Variants in CEP135 observed in about 807,000 individuals in gnomAD.
CEP135 encodes centrosomal protein 135.
In CEP135, 142 loss-of-function variants were observed where a neutral mutation model predicts 157.3. The ratio of observed to expected loss-of-function variants is 0.90; its 90% CI spans 0.79 to 1.04. The LOEUF is 1.04. Among genes scored for constraint, CEP135 ranks in the 50% least tolerant of loss-of-function variants. The probability of loss-of-function intolerance (pLI) is 0.00; values close to 1 mark genes in which losing one functional copy is unlikely to be tolerated. For missense variants in CEP135, 1,317 were observed against 1,309.2 expected (o/e 1.01, Z -0.09); for synonymous variants, 396 against 439.8 (o/e 0.90, Z 1.25).
intron 17 of CEP135, among the ~76,000 whole-genome samples, chr4:56,004,930 T>A (rs1730301280): frequency 1.0e-5 from 1 of 96,330 alleles, no homozygotes; most frequent in Non-Finnish European, 2.6e-5. Context: ...GCTGCCATTT[T>A]TTTTTTTTTT....
Position 55,991,869 on chromosome 4 carries a change from T to G in CEP135, c.1858-65T>G, listed in dbSNP as rs955022429. Reference sequence around the variant, plus strand: ...TTCTTCCGGAAATATTATTAAAGAGTGCCTAAGAAAAATATCATTAACGTA... The same window carrying G: ...TTCTTCCGGAAATATTATTAAAGAGGGCCTAAGAAAAATATCATTAACGTA... On this transcript the variant is annotated intron_variant, in intron 14 of 25. Transcript: ENST00000257287. The G allele has an allele frequency of 6.3e-6, 5 of 790,698 alleles. 1 individual carries two copies. The Admixed American group carries it at 1.9e-4, about 31-fold the overall frequency. The allele number at this position is 790,698 out of a possible 1,614,324, so 49.0% of individuals were successfully genotyped here.
chr4:55,971,321 G>A lies in CEP135; in HGVS notation c.1162G>A (p.Val388Ile), dbSNP rs371016705. ...EKERLSDELLVKSDLETVVHQ... is the reference protein window; with the variant it reads ...EKERLSDELLIKSDLETVVHQ... ...GGAGAGACTGAGTGATGAACTCCTT[G>A]TAAAATCAGACCTAGAAACTGTTGT... The change falls in exon 10 of 26, where the codon GTA becomes ATA. Residue 388 changes from valine to isoleucine, a missense_variant. Val to Ile is a conservative substitution (Grantham distance 29). Transcript: ENST00000257287. 4 of 1,606,392 alleles carry A rather than the reference G, an allele frequency of 2.5e-6. No individual in the cohort carries two copies. Among genetic ancestry groups the A allele is most frequent in the Non-Finnish European group, 3.4e-6 (4 of 1,176,830 alleles).
At position 55,968,027 on chromosome 4, in the gene CEP135, C is replaced by T. The variant is rs949742368; in HGVS notation, c.1045-1036C>T. On this transcript the variant is annotated intron_variant, in intron 8 of 25. Coordinates refer to ENST00000257287, the MANE Select transcript of CEP135 (RefSeq NM_025009.5). ...TATATGTAGAAAGCCTTCAACATTC[C>T]GCAGAAACCAGAACTAATAAACTAA... Among the ~76,000 whole-genome samples, 12 of 152,088 alleles carry T rather than the reference C, an allele frequency of 7.9e-5. No homozygotes were observed. In the South Asian group the frequency reaches 1.0e-3, roughly 13 times the overall value.
chr4:56,010,031 C>CA lies in CEP135; in HGVS notation c.2505+130dup, dbSNP rs1730516316. On this transcript the variant is annotated intron_variant, in intron 19 of 25. Coordinates refer to ENST00000257287, the MANE Select transcript of CEP135 (RefSeq NM_025009.5). ...AGTGACATAAATAATTCATTAAGGA[C>CA]AATGGTGTTTATCAGGGTATTAAAA... The CA allele has an allele frequency of 3.0e-6, 3 of 1,010,714 alleles. No individual in the cohort carries two copies. The Admixed American group carries it at 8.2e-5, about 28-fold the overall frequency. The allele number at this position is 1,010,714 out of a possible 1,614,324, so 62.6% of individuals were successfully genotyped here.
rs113954841 is a variant in CEP135 at position 55,964,115 on chromosome 4, T to C, written c.700-159T>C. ...ACATTTTCTATGTAATTTATTTTTG[T>C]TCTGCATTTATGCATATAATATATG... On this transcript the variant is annotated intron_variant, in intron 6 of 25. Coordinates refer to ENST00000257287, the MANE Select transcript of CEP135 (RefSeq NM_025009.5). 7.3e-4 allele frequency among the ~76,000 whole-genome samples: 111 copies of C among 152,388 alleles called. 2 individuals carry two copies. Among genetic ancestry groups the C allele is most frequent in the African/African-American group, 2.6e-3 (108 of 41,598 alleles).
chr4:56,017,819 A>G lies in CEP135; in HGVS notation c.2974A>G (p.Thr992Ala). Reference protein sequence around the residue: ...IKLDSGKDIMTQQLNSKNLEF... With the variant: ...IKLDSGKDIMAQQLNSKNLEF... ...ACTTGATTCAGGCAAAGATATTATG[A>G]CCCAGCAATTGAATTCGAAAAACCT... Residue 992 changes from threonine (T) to alanine (A), a missense_variant, in exon 22 of 26, where the codon ACC (threonine) becomes GCC (alanine). By Grantham distance (58) the Thr-to-Ala change is moderately conservative. Coordinates refer to ENST00000257287, the MANE Select transcript of CEP135 (RefSeq NM_025009.5). The G allele has an allele frequency of 6.2e-7, 1 of 1,613,314 alleles. No homozygotes were observed. Among genetic ancestry groups the G allele is most frequent in the South Asian group, 1.1e-5 (1 of 90,986 alleles).
rs763979337 is a variant in CEP135, at chr4:55,985,264, T to G, written c.1780-17T>G. 4.5e-5 allele frequency: 65 copies of G among 1,429,750 alleles called. No homozygotes were observed. Among genetic ancestry groups the G allele is most frequent in the Non-Finnish European group, 6.3e-5 (64 of 1,018,580 alleles). 88.6% of individuals were successfully genotyped at this position (1,429,750 alleles called of 1,614,324 possible). A position where few individuals can be genotyped will look rare whatever the true frequency, so the allele number is the denominator to read the frequency against. ...TATCTGATACAAATGAACATTTTCT[T>G]TAACATTCTTTTTCAGCATATTGAA... On this transcript the variant is annotated splice_polypyrimidine_tract_variant and intron_variant, in intron 13 of 25. Coordinates refer to ENST00000257287, the MANE Select transcript of CEP135 (RefSeq NM_025009.5).
At chr4:55,996,950 A>T (rs1729989711) in intron 15 of CEP135, among the ~76,000 whole-genome samples, 1 of 152,226 alleles carries the variant, frequency 6.6e-6, no homozygotes. Flanking sequence ...AATCTCAAAG[A>T]GATGGACCTC....
intron 3 of CEP135, 37 bp downstream of exon 3, chr4:55,953,312 C>G: frequency 1.5e-6 from 2 of 1,362,844 alleles, no homozygotes; most frequent in Non-Finnish European, 2.0e-6. Flanking sequence ...AATGCAATGT[C>G]TTTGTCCTTT....
intron 25 of CEP135, among the ~76,000 whole-genome samples, chr4:56,031,103 G>A (rs1731330233): frequency 6.6e-6 from 1 of 152,102 alleles, no homozygotes; most frequent in African/African-American, 2.4e-5. Context: ...CTGCACTCCA[G>A]CCTGGGCAAC....
In CEP135 at chr4:56,013,708, T is replaced by C. The variant is rs148742324; in HGVS notation, c.2802+1723T>C. Reference sequence around the variant, plus strand: ...ATACAATAGTTGGCCATTATTGTCATTTTTGTTTTGTTTTGTTTGTATAGT... The same window carrying C: ...ATACAATAGTTGGCCATTATTGTCACTTTTGTTTTGTTTTGTTTGTATAGT... On this transcript the variant is annotated intron_variant, in intron 21 of 25. Coordinates refer to ENST00000257287, the MANE Select transcript of CEP135 (RefSeq NM_025009.5). Among the ~76,000 whole-genome samples, 3 of 152,270 alleles carry C rather than the reference T, an allele frequency of 2.0e-5. No homozygotes were observed. In the East Asian group the frequency reaches 5.8e-4, roughly 29 times the overall value.
chr4:55,995,052 T>C lies in CEP135; in HGVS notation c.2009+2967T>C, dbSNP rs768176172. Among the ~76,000 whole-genome samples, 5 of 152,174 alleles carry C rather than the reference T, an allele frequency of 3.3e-5. No individual in the cohort carries two copies. In the East Asian group the frequency reaches 7.7e-4, roughly 23 times the overall value. ...TTTCTTTGTCTGTTGTCAGAGCACA[T>C]AATATAAAATCTCACTTTTAACCAT... On this transcript the variant is annotated intron_variant, in intron 15 of 25. Transcript: ENST00000257287.
Position 56,011,928 on chromosome 4 carries a change from C to T in CEP135, c.2745C>T (p.Asp915=), listed in dbSNP as rs1295180598. ...TTCGACTGGAACTTCTTTCTATTGA[C>T]ACTGAGAGGAGACATCTTCGAGAAA... ...SSVRLELLSI[D]TERRHLRERV... The change falls in exon 21 of 26, where the codon GAC becomes GAT. Residue 915 remains aspartate (D), a synonymous_variant. Transcript: ENST00000257287. The T allele has an allele frequency of 2.5e-6, 4 of 1,595,946 alleles. No individual in the cohort carries two copies. The East Asian group carries it at 6.8e-5, about 27-fold the overall frequency.
chr4:56,005,239 G>A (rs1730314795), intron 17 of CEP135, among the ~76,000 whole-genome samples: 1 of 152,054 alleles, frequency 6.6e-6, no homozygotes, highest in South Asian at 2.1e-4. Flanking sequence ...GAGGCCACAA[G>A]TTTAACGTAG....
chr4:55,959,718 A>G lies in CEP135; in HGVS notation c.651A>G (p.Gln217=), dbSNP rs780386101. 4.3e-6 allele frequency: 7 copies of G among 1,613,998 alleles called. No homozygotes were observed. The highest frequency in any genetic ancestry group is 2.2e-5 in the South Asian group (2 of 91,084). Residue 217 remains glutamine, a synonymous_variant, in exon 6 of 26, where the codon CAA becomes CAG. Transcript: ENST00000257287. ...TTCAACAGGAAGTCCACCAGCTACA[A>G]GAAAAGTTAGCAATGATGGAAAGTG... ...QELQQEVHQL[Q]EKLAMMESGV...
intron 10 of CEP135, among the ~76,000 whole-genome samples, chr4:55,971,614 A>G (rs1356916784): frequency 6.6e-6 from 1 of 151,712 alleles, no homozygotes; most frequent in Non-Finnish European, 1.5e-5. Context: ...GCTAGTTTAT[A>G]CAGGGAGCCC....
Position 56,023,711 on chromosome 4 carries a change from A to G in CEP135, c.3321-790A>G, listed in dbSNP as rs983708013. ...ATAATATATATATAATATACTGTAT[A>G]TTATATGTAATATATATTGTATCAT... On this transcript the variant is annotated intron_variant, in intron 24 of 25. Coordinates refer to ENST00000257287, the MANE Select transcript of CEP135 (RefSeq NM_025009.5). 9.7e-5 allele frequency among the ~76,000 whole-genome samples: 14 copies of G among 143,696 alleles called. No homozygotes were observed. In the South Asian group the frequency reaches 2.1e-3, roughly 22 times the overall value. 94.3% of individuals were successfully genotyped at this position (143,696 alleles called of 152,430 possible).
chr4:55,991,969 G>A lies in CEP135; in HGVS notation c.1893G>A (p.Val631=). 3.9e-6 allele frequency: 6 copies of A among 1,547,490 alleles called. No homozygotes were observed. The highest frequency in any genetic ancestry group is 5.3e-6 in the Non-Finnish European group (6 of 1,132,940). ...ESEKYELKSK[V]LIMKETIESL... Reference sequence around the variant, plus strand: ...AAAAATATGAATTAAAGTCTAAAGTGTTAATAATGAAAGAAACAATAGAGT... The same window carrying A: ...AAAAATATGAATTAAAGTCTAAAGTATTAATAATGAAAGAAACAATAGAGT... The change falls in exon 15 of 26, where the codon GTG becomes GTA. Residue 631 remains valine (V), a synonymous_variant. Coordinates refer to ENST00000257287, the MANE Select transcript of CEP135 (RefSeq NM_025009.5).
chr4:56,011,812 C>A lies in CEP135; in HGVS notation c.2629C>A (p.Gln877Lys). 1 of 1,566,750 alleles carries A rather than the reference C, an allele frequency of 6.4e-7. No homozygotes were observed. The highest frequency in any genetic ancestry group is 8.6e-7 in the Non-Finnish European group (1 of 1,164,592). Residue 877 changes from glutamine (Q) to lysine (K), a missense_variant, in exon 21 of 26, where the codon CAA becomes AAA. Transcript: ENST00000257287. ...GTGATTAAACCAGGAAAAAGAAAAT[C>A]AAGATTTGTTAGATAGATTTCAGAT... Reference protein sequence around the residue: ...SLMAAKEKENQDLLDRFQMLH... With the variant: ...SLMAAKEKENKDLLDRFQMLH...
Sources: allele counts gnomAD v4.1 joint callset (sites outside exome capture counted in the v4.1 genomes callset), GRCh38; gene constraint gnomAD v4.1.1; transcripts MANE v1.5; gene names NCBI Gene and HGNC (gene_info 2026-07-23, HGNC 2026-07-21).